Variants in XPO7 observed in about 807,000 individuals in gnomAD.
XPO7 encodes the protein exportin 7, also known as exportin-7.
In XPO7, 21 loss-of-function variants were observed where a neutral mutation model predicts 144.3. That is an observed-to-expected ratio of 0.15 (90% CI 0.10 to 0.21). The LOEUF is 0.21. Among genes scored for constraint, XPO7 ranks in the 10% least tolerant of loss-of-function variants. The pLI is 1.00. For missense variants in XPO7, 808 were observed against 1,325.8 expected (o/e 0.61, Z 6.06); for synonymous variants, 580 against 499.6 (o/e 1.16, Z -2.15).
At chr8:21,985,046 G>A (rs1249107243) in intron 12 of XPO7, among the ~76,000 whole-genome samples, 1 of 148,672 alleles carries the variant, frequency 6.7e-6, no homozygotes, top group East Asian at 2.0e-4. Context: ...GTGGGATTTT[G>A]TTTTAAGAGA....
At chr8:21,920,490 A>AG (rs149566776) in intron 1 of XPO7, among the ~76,000 whole-genome samples, 155 of 152,082 alleles carry the variant, frequency 1.0e-3, no homozygotes, top group Non-Finnish European at 1.8e-3. Flanking sequence ...CACGGGGTGG[A>AG]GGGGGGTGTG....
chr8:21,965,250 G>T, intron 1 of XPO7, among the ~76,000 whole-genome samples: 1 of 151,934 alleles, frequency 6.6e-6, no homozygotes, highest in East Asian at 1.9e-4. Flanking sequence ...AATGTGAGTG[G>T]TTATAATTAA....
At chr8:21,943,168 G>A (rs569423816) in intron 1 of XPO7, among the ~76,000 whole-genome samples, 1 of 152,126 alleles carries the variant, frequency 6.6e-6, no homozygotes, top group Non-Finnish European at 1.5e-5. Flanking sequence ...CCTATGAACT[G>A]GAGAACTTCA....
At chr8:21,988,982 T>C in intron 15 of XPO7, 21 bp from the exon 16 acceptor site, 1 of 1,609,090 alleles carries the variant, frequency 6.2e-7, no homozygotes, top group Non-Finnish European at 8.5e-7. Flanking sequence ...TCCTGCTTTT[T>C]TTTTTCTTTT....
chr8:22,004,156 T>C (rs1585489398), intron 27 of XPO7, 126 bp downstream of exon 27: 2 of 1,210,712 alleles, frequency 1.7e-6, no homozygotes, highest in South Asian at 1.7e-5. Context: ...TGCAATGCAA[T>C]AGAAAAGTGA....
At chr8:21,969,756 A>C (rs1811992870) in intron 3 of XPO7, 180 bp downstream of exon 3, 1 of 626,992 alleles carries the variant, frequency 1.6e-6, no homozygotes, top group African/African-American at 1.8e-5. Flanking sequence ...CCGACGCAAT[A>C]ACTTCTGGAT....
intron 1 of XPO7, among the ~76,000 whole-genome samples, chr8:21,928,458 A>G (rs1321288953): frequency 6.6e-6 from 1 of 152,200 alleles, no homozygotes; most frequent in African/African-American, 2.4e-5. Context: ...TGGGAGTAGG[A>G]TGGCTGAGTC....
At chr8:21,948,853 T>G (rs1811275225) in intron 1 of XPO7, among the ~76,000 whole-genome samples, 1 of 152,220 alleles carries the variant, frequency 6.6e-6, no homozygotes, top group Admixed American at 6.5e-5. Flanking sequence ...TCAGACTAGA[T>G]AGATGTGGGA....
At chr8:21,975,228 G>A (rs1299538709) in intron 6 of XPO7, among the ~76,000 whole-genome samples, 2 of 152,182 alleles carry the variant, frequency 1.3e-5, no homozygotes, top group Non-Finnish European at 1.5e-5. Context: ...CCTGTCCCCC[G>A]CTGAGTTAAA....
intron 19 of XPO7, 142 bp from the exon 20 acceptor site, chr8:21,994,221 G>T (rs1459777657): frequency 1.8e-6 from 1 of 550,846 alleles, no homozygotes. Flanking sequence ...TAGCATAGAA[G>T]ATATTGAATC....
At chr8:21,949,398 G>A (rs770264947) in intron 1 of XPO7, among the ~76,000 whole-genome samples, 1 of 152,180 alleles carries the variant, frequency 6.6e-6, no homozygotes, top group African/African-American at 2.4e-5. Flanking sequence ...CCTACATACT[G>A]ATAGCATGGC....
intron 22 of XPO7, 84 bp downstream of exon 22, chr8:21,998,921 G>C: frequency 1.3e-6 from 2 of 1,528,878 alleles, no homozygotes; most frequent in Middle Eastern, 1.7e-4. Flanking sequence ...TCTCTGGCCA[G>C]TCCTGGCAGG....
chr8:21,961,291 T>A (rs1249515761), intron 1 of XPO7, among the ~76,000 whole-genome samples: 1 of 151,086 alleles, frequency 6.6e-6, no homozygotes, highest in Non-Finnish European at 1.5e-5. Context: ...CTCACTGCAG[T>A]CTTGACCTTC....
chr8:21,930,736 G>A (rs766687449), intron 1 of XPO7, among the ~76,000 whole-genome samples: 47 of 152,264 alleles, frequency 3.1e-4, no homozygotes, highest in South Asian at 1.5e-3. Context: ...TAGAGTAACT[G>A]AATAATTACT....
At chr8:21,987,378 C>T (rs774825601) in intron 14 of XPO7, 102 bp downstream of exon 14, 103 of 1,499,478 alleles carry the variant, frequency 6.9e-5, no homozygotes, top group Non-Finnish European at 9.0e-5. Flanking sequence ...CTCCAGATTT[C>T]ACGTAATAGG....
At chr8:21,946,039 A>G (rs893454099) in intron 1 of XPO7, among the ~76,000 whole-genome samples, 19 of 152,202 alleles carry the variant, frequency 1.2e-4, no homozygotes, top group Non-Finnish European at 2.2e-4. Context: ...ACTAGCAGAA[A>G]CAGGAAAATG....
intron 1 of XPO7, chr8:21,964,217 G>A (rs1811813091): frequency 6.6e-6 from 1 of 152,140 alleles, no homozygotes; most frequent in Admixed American, 6.5e-5. Flanking sequence ...TTCTTCTCTG[G>A]AGGATTTTCT....
chr8:21,991,905 A>T lies in XPO7; in HGVS notation c.2079A>T (p.Pro693=). Residue 693 remains proline (P), a synonymous_variant, in exon 19 of 28, where the codon CCA becomes CCT. Transcript: ENST00000252512. ...DEDQYEQFML[P]LTAAFEAVAQ... ...ATCAGTATGAGCAGTTCATGCTGCC[A>T]CTCACAGCAGCATTTGAGGCTGTGG... is the stretch of plus-strand genomic sequence containing the variant. 2 of 1,613,432 alleles carry T rather than the reference A, an allele frequency of 1.2e-6. No individual in the cohort carries two copies. The highest frequency in any genetic ancestry group is 1.7e-6 in the Non-Finnish European group (2 of 1,179,768).
Position 21,944,994 on chromosome 8 carries a change from C to T in XPO7, c.19-21863C>T, listed in dbSNP as rs1273762914. Among the ~76,000 whole-genome samples the T allele has an allele frequency of 2.0e-5, 3 of 152,230 alleles. No individual in the cohort carries two copies. In the East Asian group the frequency reaches 5.8e-4, roughly 29 times the overall value. The stretch of plus-strand genomic sequence containing the variant: ...TTAGTACAGAACAAAATGGAGTCTC[C>T]TATGTCTACTTCTTTCTACACAGAC... On this transcript the variant is annotated intron_variant, in intron 1 of 27. Coordinates refer to ENST00000252512, the MANE Select transcript of XPO7 (RefSeq NM_015024.5).
Sources: gnomAD v4.1 joint callset for allele counts (sites outside exome capture counted in the v4.1 genomes callset) on GRCh38, gnomAD v4.1.1 for gene constraint, MANE v1.5 for transcripts, NCBI Gene and HGNC (gene_info 2026-07-23, HGNC 2026-07-21) for gene names.